The following DGCR2 variants were observed in gnomAD, a reference collection of about 807,000 sequenced individuals.
The protein encoded by DGCR2 is integral membrane protein DGCR2/IDD.
Under a neutral mutation model 51.6 loss-of-function variants are expected in DGCR2, and 24 were observed. The observed-to-expected ratio is 0.47, with a 90% CI of 0.34 to 0.65. The LOEUF is 0.65. DGCR2 is among the 30% of genes least tolerant of loss of function. DGCR2 has a pLI of 0.01. For synonymous variants in DGCR2, 340 were observed against 315.4 expected (o/e 1.08, Z -0.82); for missense variants, 765 against 772.1 (o/e 0.99, Z 0.11).
chr22:19,088,384 T>C (rs913135556), intron 2 of DGCR2, among the ~76,000 whole-genome samples: 8 of 152,172 alleles, frequency 5.3e-5, no homozygotes, highest in Non-Finnish European at 8.8e-5. Flanking sequence ...GAGCTACACC[T>C]TGAAGGATGG....
At chr22:19,085,578 C>T (rs2083005727) in intron 2 of DGCR2, among the ~76,000 whole-genome samples, 1 of 152,228 alleles carries the variant, frequency 6.6e-6, no homozygotes, top group Admixed American at 6.5e-5. Flanking sequence ...CTCCAGCATT[C>T]CAGCCTCTGA....
In DGCR2 at chr22:19,089,384, G is replaced by C; in HGVS notation, c.186C>G (p.Asp62Glu). ...DGWATCEDES[D>E]EANCPEVTGE... ...CACACTCACCTGGACAGTTGGCTTC[G>C]TCGCTCTCATCCTCGCAAGTCGCCC... Residue 62 changes from aspartate (D) to glutamate (E), a missense_variant, in exon 2 of 10, where the codon GAC becomes GAG. Coordinates refer to ENST00000263196, the MANE Select transcript of DGCR2 (RefSeq NM_005137.3). The C allele has an allele frequency of 6.2e-7, 1 of 1,608,708 alleles. No individual in the cohort carries two copies. Among genetic ancestry groups the C allele is most frequent in the South Asian group, 1.1e-5 (1 of 90,186 alleles).
intron 1 of DGCR2, among the ~76,000 whole-genome samples, chr22:19,108,138 G>C (rs1429181766): frequency 6.6e-6 from 1 of 152,158 alleles, no homozygotes; most frequent in East Asian, 1.9e-4. Flanking sequence ...GATTTTACTA[G>C]GGAAGGAGAA....
rs1260159025 is a variant in DGCR2 at position 19,041,957 on chromosome 22, C to A, written c.1009G>T (p.Gly337Cys). 1 of 1,612,304 alleles carries A rather than the reference C, an allele frequency of 6.2e-7. No individual in the cohort carries two copies. The highest frequency in any genetic ancestry group is 8.5e-7 in the Non-Finnish European group (1 of 1,179,494). The change falls in exon 8 of 10, where the codon GGC (glycine) becomes TGC (cysteine). Residue 337 changes from glycine (G) to cysteine (C), a missense_variant and splice_region_variant. Gly to Cys is a radical substitution (Grantham distance 159). Around this residue, in one of 3 missense-constraint regions of DGCR2, gnomAD observed 190 missense variants for 265.2 expected, o/e 0.72. Coordinates refer to ENST00000263196, the MANE Select transcript of DGCR2 (RefSeq NM_005137.3). ...GCCATGGAGTCAAACAGACTGTTGCCATCTGAGGGGGAGGGGAGGAAATGG... is the reference window on the plus strand; with the variant it reads ...GCCATGGAGTCAAACAGACTGTTGCAATCTGAGGGGGAGGGGAGGAAATGG... ...CCKFMCLDPD[G>C]NSLFDSMASG...
At chr22:19,107,951 T>C (rs946395780) in intron 1 of DGCR2, among the ~76,000 whole-genome samples, 57 of 152,232 alleles carry the variant, frequency 3.7e-4, no homozygotes, top group African/African-American at 1.3e-3. Flanking sequence ...AATGCTCATT[T>C]TGCATGTGCC....
intron 4 of DGCR2, among the ~76,000 whole-genome samples, chr22:19,064,587 G>A (rs564839125): frequency 1.3e-5 from 2 of 152,318 alleles, no homozygotes; most frequent in Non-Finnish European, 2.9e-5. Context: ...TACAAGGAGA[G>A]GGGTACCAAT....
At chr22:19,039,723 TTTTTC>T (rs149396729) in intron 9 of DGCR2, among the ~76,000 whole-genome samples, 2,018 of 152,236 alleles carry the variant, frequency 0.013, 45 homozygotes, top group African/African-American at 0.046. Context: ...ACTTGCTTTT[TTTTTC>T]TTTTAAGAGA....
intron 2 of DGCR2, among the ~76,000 whole-genome samples, chr22:19,088,744 CCCAA>C (rs2083045237): frequency 2.0e-5 from 3 of 152,318 alleles, no homozygotes; most frequent in East Asian, 1.9e-4. Flanking sequence ...ACACCTCCCA[CCCAA>C]CCAAAGTTGA....
At chr22:19,104,949 AC>A (rs1408408215) in intron 1 of DGCR2, among the ~76,000 whole-genome samples, 1 of 152,160 alleles carries the variant, frequency 6.6e-6, no homozygotes, top group African/African-American at 2.4e-5. Context: ...GTAACAGGCG[AC>A]CACGCATCTC....
chr22:19,106,665 T>C (rs970296059), intron 1 of DGCR2, among the ~76,000 whole-genome samples: 4 of 152,108 alleles, frequency 2.6e-5, no homozygotes, highest in African/African-American at 9.7e-5. Flanking sequence ...AGCTGTTCTA[T>C]GTATTGAAAC....
intron 2 of DGCR2, among the ~76,000 whole-genome samples, chr22:19,082,054 G>GTTTTT (rs1569068875): frequency 1.7e-5 from 2 of 116,464 alleles, no homozygotes; most frequent in African/African-American, 2.6e-5. Flanking sequence ...TGTTTTTTGG[G>GTTTTT]GTTTTTTTTG....
rs1352848669 is a variant in DGCR2 at position 19,122,336 on chromosome 22, A to G, written c.-130T>C. On this transcript the variant is annotated 5_prime_UTR_variant, in exon 1 of 10. Transcript: ENST00000263196. ...GCGAGGCGCGGAGAGGCGGCGGGAA[A>G]GAGCTTCGGCTGGGCCGCGGGCTGG... The G allele has an allele frequency of 4.2e-6, 3 of 713,458 alleles. No individual in the cohort carries two copies. The highest frequency in any genetic ancestry group is 4.0e-5 in the Admixed American group (1 of 24,810). 44.2% of individuals were successfully genotyped at this position (713,458 alleles called of 1,614,324 possible). A position where few individuals can be genotyped will look rare whatever the true frequency, so the allele number is the denominator to read the frequency against.
At chr22:19,059,831 G>A (rs117736630) in intron 5 of DGCR2, among the ~76,000 whole-genome samples, 46 of 152,168 alleles carry the variant, frequency 3.0e-4, no homozygotes, top group South Asian at 2.1e-3. Context: ...CCACATGTGC[G>A]AGCAGCCACT....
At chr22:19,096,735 G>A (rs988522520) in intron 1 of DGCR2, among the ~76,000 whole-genome samples, 4 of 151,718 alleles carry the variant, frequency 2.6e-5, no homozygotes, top group Non-Finnish European at 4.4e-5. Context: ...TTAGAGATGG[G>A]GTCTTACTAT....
At chr22:19,081,338 G>A (rs923930016) in intron 2 of DGCR2, among the ~76,000 whole-genome samples, 3 of 152,044 alleles carry the variant, frequency 2.0e-5, no homozygotes, top group South Asian at 2.1e-4. Flanking sequence ...TTTTCTTTTA[G>A]TTTACCACAT....
intron 2 of DGCR2, among the ~76,000 whole-genome samples, chr22:19,077,195 C>T (rs529972957): frequency 6.6e-5 from 10 of 152,166 alleles, no homozygotes; most frequent in East Asian, 5.8e-4. Context: ...TAAATTTTGA[C>T]GTAGCTTAAT....
At chr22:19,068,362 CT>C in intron 2 of DGCR2, 137 bp from the exon 3 acceptor site, 1 of 1,037,000 alleles carries the variant, frequency 9.6e-7, no homozygotes, top group Non-Finnish European at 1.3e-6. Flanking sequence ...TGCAGGCTTT[CT>C]TTAGAGCCCT....
Position 19,065,180 on chromosome 22 carries a change from G to T in DGCR2, c.329-113C>A, listed in dbSNP as rs187537212. ...TTGTAAATCACCCTAGAGAAGTGGG[G>T]AAACTGAGGCTCAAGAGGACAAGGT... On this transcript the variant is annotated intron_variant, in intron 3 of 9. Transcript: ENST00000263196. The T allele has an allele frequency of 1.9e-4, 172 of 896,618 alleles. No homozygotes were observed. In the African/African-American group the frequency reaches 2.3e-3, roughly 12 times the overall value. 55.5% of individuals were successfully genotyped at this position (896,618 alleles called of 1,614,324 possible).
intron 5 of DGCR2, chr22:19,060,750 G>A (rs1219656260): frequency 2.6e-6 from 1 of 390,590 alleles, no homozygotes; most frequent in South Asian, 2.0e-5. Context: ...GGCACATCAT[G>A]ACCTGGTGCT....
Sources: gnomAD v4.1 joint callset for allele counts (sites outside exome capture counted in the v4.1 genomes callset) on GRCh38, gnomAD v4.1.1 for gene constraint, gnomAD v4.1.1 regional missense constraint, MANE v1.5 for transcripts, NCBI Gene and HGNC (gene_info 2026-07-23, HGNC 2026-07-21) for gene names.